Variants in PCGF5 observed in about 807,000 individuals in gnomAD.
The protein encoded by PCGF5 is polycomb group RING finger protein 5.
Under a neutral mutation model 44.3 loss-of-function variants are expected in PCGF5, and 9 were observed. The ratio of observed to expected loss-of-function variants is 0.20; its 90% confidence interval spans 0.12 to 0.35. The LOEUF (loss-of-function observed/expected upper bound fraction) is 0.35, where lower values mean the gene tolerates loss of function less well. Ranked by LOEUF, PCGF5 falls within the 10% of genes least tolerant of loss-of-function variation. PCGF5 has a pLI of 1.00. For synonymous variants in PCGF5, 95 were observed against 102.5 expected (o/e 0.93, Z 0.44); for missense variants, 146 against 305.3 (o/e 0.48, Z 3.89).
chr10:91,215,955 C>T (rs181910684), upstream of PCGF5, among the ~76,000 whole-genome samples: 1 of 152,190 alleles, frequency 6.6e-6, no homozygotes, highest in Non-Finnish European at 1.5e-5. Context: ...TTGTAAGGAT[C>T]CCTTCAAGAA....
At chr10:91,238,607 T>TCTTTCTTTCTTTCTTTCTTTCTTTC in intron 2 of PCGF5, among the ~76,000 whole-genome samples, 1 of 98,074 alleles carries the variant, frequency 1.0e-5, no homozygotes, top group African/African-American at 3.4e-5. Context: ...CTTTCTTTTT[T>TCTTTCTTTCTTTCTTTCTTTCTTTC]TTTTTTTTTT....
At chr10:91,250,581 A>G (rs1422737415) in intron 5 of PCGF5, among the ~76,000 whole-genome samples, 1 of 146,170 alleles carries the variant, frequency 6.8e-6, no homozygotes, top group Non-Finnish European at 1.5e-5. Flanking sequence ...TAGTTTCAGT[A>G]TTGTTCCCTC....
At chr10:91,269,861 A>G (rs1239690016) in intron 8 of PCGF5, among the ~76,000 whole-genome samples, 1 of 152,034 alleles carries the variant, frequency 6.6e-6, no homozygotes, top group Non-Finnish European at 1.5e-5. Flanking sequence ...AATGACTTCT[A>G]GGATCTCTTT....
intron 2 of PCGF5, among the ~76,000 whole-genome samples, chr10:91,236,638 A>C (rs530583315): frequency 1.3e-5 from 2 of 152,334 alleles, no homozygotes; most frequent in East Asian, 3.9e-4. Flanking sequence ...TATTTTTAAA[A>C]TGTGCTGTAC....
At position 91,192,306 on chromosome 10, in the gene PCGF5, C is replaced by T. The variant is rs150369530; in HGVS notation, c.-184+29225C>T. Among the ~76,000 whole-genome samples, 667 of 152,224 alleles carry T rather than the reference C, an allele frequency of 4.4e-3. 3 individuals carry two copies. Among genetic ancestry groups the T allele is most frequent in the African/African-American group, 0.015 (634 of 41,534 alleles). On this transcript the variant is annotated intron_variant, in intron 1 of 9. Coordinates refer to the PCGF5 transcript ENST00000614189. ...ACTCAACAACTCAAGGTGTTTTGCT[C>T]GTATACCTGGATAATAGTCTAAAAA...
At chr10:91,275,607 A>ATTTTTTTTTTT (rs72439811) in intron 9 of PCGF5, among the ~76,000 whole-genome samples, 6 of 128,888 alleles carry the variant, frequency 4.7e-5, no homozygotes, top group African/African-American at 1.5e-4. Context: ...TGCCCGGCTA[A>ATTTTTTTTTTT]TTTTTTTTTT....
At chr10:91,247,516 G>T (rs1368994067) in intron 3 of PCGF5, among the ~76,000 whole-genome samples, 1 of 151,576 alleles carries the variant, frequency 6.6e-6, no homozygotes, top group African/African-American at 2.4e-5. Flanking sequence ...TTTTTAAGAT[G>T]TGAGAAACCT....
chr10:91,189,348 T>C (rs145324237), intron 1 of PCGF5, among the ~76,000 whole-genome samples: 224 of 152,294 alleles, frequency 1.5e-3, no homozygotes, highest in African/African-American at 5.2e-3. Context: ...GACAGTGCAC[T>C]CAGCAAAGGC....
upstream of PCGF5, among the ~76,000 whole-genome samples, chr10:91,160,414 TAGCAA>T (rs1843362565): frequency 6.6e-6 from 1 of 152,130 alleles, no homozygotes; most frequent in Admixed American, 6.5e-5. Context: ...TGACAGGCAA[TAGCAA>T]AGTCACCAGA....
chr10:91,191,243 T>G (rs1001755102), intron 1 of PCGF5, among the ~76,000 whole-genome samples: 30 of 152,224 alleles, frequency 2.0e-4, no homozygotes, highest in Admixed American at 1.7e-3. Context: ...ACTCTTATGC[T>G]TTGGGGCCAT....
At position 91,222,848 on chromosome 10, in the gene PCGF5, A is replaced by G. The variant is rs1408051876; in HGVS notation, c.-24A>G. 1 of 1,451,062 alleles carries G rather than the reference A, an allele frequency of 6.9e-7. No homozygotes were observed. The highest frequency in any genetic ancestry group is 1.4e-5 in the African/African-American group (1 of 71,554). 89.9% of individuals were successfully genotyped at this position (1,451,062 alleles called of 1,614,324 possible). A position where few individuals can be genotyped will look rare whatever the true frequency, so the allele number is the denominator to read the frequency against. Reference sequence around the variant, plus strand: ...AGGACCCCTCTTTGCCCAGACTACTAAAGCCAGTCTTCACTAGCCACGAAT... The same window carrying G: ...AGGACCCCTCTTTGCCCAGACTACTGAAGCCAGTCTTCACTAGCCACGAAT... On this transcript the variant is annotated 5_prime_UTR_variant, in exon 2 of 10. It removes the in-frame stop codon of an upstream open reading frame in the 5' UTR. Transcript: ENST00000336126.
intron 1 of PCGF5, among the ~76,000 whole-genome samples, chr10:91,192,485 A>T (rs192594663): frequency 6.6e-6 from 1 of 152,230 alleles, no homozygotes; most frequent in African/African-American, 2.4e-5. Context: ...CTCATCGTCA[A>T]TTAAGAATCT....
At position 91,281,267 on chromosome 10, in the gene PCGF5, ATTTC is replaced by A. The variant is rs1171738554; in HGVS notation, c.*2955_*2958del. 1 of 152,432 alleles carries A rather than the reference ATTTC, an allele frequency of 6.6e-6. No homozygotes were observed. Among genetic ancestry groups the A allele is most frequent in the African/African-American group, 2.4e-5 (1 of 41,450 alleles). The allele number at this position is 152,432 out of a possible 1,614,324, so 9.4% of individuals were successfully genotyped here. A position where few individuals can be genotyped will look rare whatever the true frequency, so the allele number is the denominator to read the frequency against. On this transcript the variant is annotated 3_prime_UTR_variant, in exon 10 of 10. Coordinates refer to ENST00000336126, the MANE Select transcript of PCGF5 (RefSeq NM_032373.5). ...TTAACTACTCTTAGAGGAGTATATT[ATTTC>A]TTTATACATTAAACATCTATCCCAT...
intron 1 of PCGF5, among the ~76,000 whole-genome samples, chr10:91,206,022 AAAAC>A (rs908504368): frequency 3.3e-5 from 5 of 152,354 alleles, no homozygotes; most frequent in African/African-American, 1.2e-4. Context: ...ACTCTGTCAA[AAAAC>A]AAACAAAAAA....
At chr10:91,247,421 C>T (rs1295550075) in intron 3 of PCGF5, among the ~76,000 whole-genome samples, 2 of 152,016 alleles carry the variant, frequency 1.3e-5, no homozygotes, top group Non-Finnish European at 2.9e-5. Context: ...TTTATTTTCA[C>T]ATTTTTTTCC....
At chr10:91,179,202 T>C (rs559378812) in intron 1 of PCGF5, among the ~76,000 whole-genome samples, 1 of 152,118 alleles carries the variant, frequency 6.6e-6, no homozygotes, top group African/African-American at 2.4e-5. Context: ...TATCCTCAGA[T>C]CTGAACTAGT....
At chr10:91,156,669 G>A in the PCGF5 span, among the ~76,000 whole-genome samples, 365 of 152,246 alleles carry the variant, frequency 2.4e-3, 2 homozygotes, top group Non-Finnish European at 4.7e-3. Flanking sequence ...AGGCAAAGTG[G>A]ATATGGGGAG....
intron 3 of PCGF5, among the ~76,000 whole-genome samples, chr10:91,246,130 G>C (rs1217473049): frequency 1.3e-5 from 2 of 152,132 alleles, no homozygotes; most frequent in African/African-American, 4.8e-5. Context: ...CCTAAATTGG[G>C]CTGGAAGGAC....
chr10:91,211,572 G>A (rs1650834411), intron 1 of PCGF5, among the ~76,000 whole-genome samples: 1 of 152,162 alleles, frequency 6.6e-6, no homozygotes, highest in African/African-American at 2.4e-5. Context: ...TTAGGTATCA[G>A]GTTCATGGGT....
Sources: allele counts gnomAD v4.1 joint callset (sites outside exome capture counted in the v4.1 genomes callset), GRCh38; gene constraint gnomAD v4.1.1; transcripts MANE v1.5; gene names NCBI Gene and HGNC (gene_info 2026-07-23, HGNC 2026-07-21).